XKR4: variants seen among roughly 807,000 people sequenced by gnomAD.
The protein encoded by XKR4 is XK related 4, also known as XK-related protein 4.
XKR4 carries 12 observed loss-of-function variants against 53.9 expected under a neutral mutation model. The observed-to-expected ratio is 0.22, with a 90% CI of 0.14 to 0.36. XKR4 has a LOEUF of 0.36. Ranked by LOEUF, XKR4 falls within the 10% of genes least tolerant of loss-of-function variation. The pLI is 1.00. For missense variants in XKR4, 799 were observed against 859.5 expected, an observed-to-expected ratio of 0.93 and a Z score of 0.88; for synonymous variants, 354 against 362.4, an observed-to-expected ratio of 0.98 and a Z score of 0.26.
At position 55,450,975 on chromosome 8, in the gene XKR4, G is replaced by C. The variant is rs1585579860; in HGVS notation, c.1007-72306G>C. ...GGAGACTAGGCTGGGCTCAGCAGTA[G>C]GGCAGCCCAGGACACATGCCTTCAG... On this transcript the variant is annotated intron_variant, in intron 2 of 2. Transcript: ENST00000327381. 4 of 523,146 alleles carry C rather than the reference G, an allele frequency of 7.6e-6. No homozygotes were observed. The East Asian group carries it at 2.0e-4, about 26-fold the overall frequency. The allele number at this position is 523,146 out of a possible 1,614,324, so 32.4% of individuals were successfully genotyped here. A position where few individuals can be genotyped will look rare whatever the true frequency, so the allele number is the denominator to read the frequency against.
intron 1 of XKR4, among the ~76,000 whole-genome samples, chr8:55,145,421 A>C (rs1563467725): frequency 1.9e-5 from 2 of 107,856 alleles, no homozygotes; most frequent in African/African-American, 3.0e-5. Flanking sequence ...AATACCTAAA[A>C]TTTTTTCTCA....
intron 1 of XKR4, among the ~76,000 whole-genome samples, chr8:55,284,191 G>T (rs1482190800): frequency 6.6e-6 from 1 of 152,114 alleles, no homozygotes; most frequent in Non-Finnish European, 1.5e-5. Flanking sequence ...TATTTCTTAT[G>T]TGAGAAAATA....
intron 2 of XKR4, among the ~76,000 whole-genome samples, chr8:55,393,600 T>C (rs1804475757): frequency 2.0e-5 from 3 of 152,216 alleles, no homozygotes; most frequent in Admixed American, 6.5e-5. Context: ...AGAAAATGTT[T>C]TGTTATATGA....
intron 2 of XKR4, among the ~76,000 whole-genome samples, chr8:55,514,695 A>G (rs1039301738): frequency 5.3e-5 from 8 of 152,168 alleles, no homozygotes; most frequent in Admixed American, 3.9e-4. Flanking sequence ...AAAATCATTC[A>G]GTGTCTTTTT....
intron 1 of XKR4, among the ~76,000 whole-genome samples, chr8:55,146,051 T>C (rs1816769718): frequency 6.6e-6 from 1 of 152,348 alleles, no homozygotes; most frequent in Admixed American, 6.5e-5. Flanking sequence ...ATGGGAATTA[T>C]GAAATGACAT....
chr8:55,128,036 C>A (rs1006400260), intron 1 of XKR4, among the ~76,000 whole-genome samples: 1 of 152,128 alleles, frequency 6.6e-6, no homozygotes, highest in Non-Finnish European at 1.5e-5. Flanking sequence ...TCTCGCAATA[C>A]ACATACGTGT....
At chr8:55,294,394 T>A (rs1218105176) in intron 1 of XKR4, among the ~76,000 whole-genome samples, 1 of 152,200 alleles carries the variant, frequency 6.6e-6, no homozygotes, top group African/African-American at 2.4e-5. Context: ...GGTATCCGTG[T>A]TCCTACCACC....
rs1027647771 is a variant in XKR4 at position 55,534,903 on chromosome 8, G to C, written c.*10676G>C. On this transcript the variant is annotated 3_prime_UTR_variant, in exon 3 of 3. Transcript: ENST00000327381. ...TGTAAAGTTTTCTGTCTAATCTTTT[G>C]GTATAACAATTTTAGGAGTTCACCC... The C allele has an allele frequency of 1.3e-5, 2 of 151,424 alleles. No homozygotes were observed. Among genetic ancestry groups the C allele is most frequent in the African/African-American group, 4.9e-5 (2 of 41,158 alleles). 9.4% of individuals were successfully genotyped at this position (151,424 alleles called of 1,614,324 possible).
At position 55,147,693 on chromosome 8, in the gene XKR4, A is replaced by G. The variant is rs555322874; in HGVS notation, c.806+44399A>G. ...GCATCGAGATTTGGGGAGAATTTCT[A>G]TGAATGGATGCATGTGATGGCAGGC... On this transcript the variant is annotated intron_variant, in intron 1 of 2. Coordinates refer to ENST00000327381, the MANE Select transcript of XKR4 (RefSeq NM_052898.2). Among the ~76,000 whole-genome samples, 58 of 152,298 alleles carry G rather than the reference A, an allele frequency of 3.8e-4. 1 individual carries two copies. The highest frequency in any genetic ancestry group is 1.2e-3 in the South Asian group (6 of 4,824).
chr8:55,482,405 G>A (rs950993902), intron 2 of XKR4, among the ~76,000 whole-genome samples: 4 of 152,052 alleles, frequency 2.6e-5, no homozygotes, highest in African/African-American at 4.8e-5. Context: ...ATGGGGTCGG[G>A]GCATGGGGGA....
intron 1 of XKR4, among the ~76,000 whole-genome samples, chr8:55,190,751 C>T (rs1426501354): frequency 6.6e-6 from 1 of 152,146 alleles, no homozygotes; most frequent in African/African-American, 2.4e-5. Context: ...CGTTCTGGAC[C>T]AGCAGCAAAA....
intron 2 of XKR4, among the ~76,000 whole-genome samples, chr8:55,492,581 T>G (rs1394521393): frequency 6.6e-6 from 1 of 152,250 alleles, no homozygotes; most frequent in African/African-American, 2.4e-5. Context: ...GATTGCCATG[T>G]CCATGATGCC....
intron 2 of XKR4, among the ~76,000 whole-genome samples, chr8:55,412,541 C>T (rs1290728810): frequency 1.3e-5 from 2 of 152,172 alleles, no homozygotes; most frequent in Non-Finnish European, 1.5e-5. Flanking sequence ...TTGCTTGATG[C>T]ACACTGCCCC....
At chr8:55,385,852 A>G (rs1804301732) in intron 2 of XKR4, among the ~76,000 whole-genome samples, 1 of 152,238 alleles carries the variant, frequency 6.6e-6, no homozygotes. Flanking sequence ...AACAAAAAGA[A>G]CACCAAACAA....
intron 1 of XKR4, among the ~76,000 whole-genome samples, chr8:55,353,590 C>T (rs1803756741): frequency 6.6e-6 from 1 of 152,226 alleles, no homozygotes; most frequent in Admixed American, 6.5e-5. Context: ...CAGTCTGTCA[C>T]ACTCTGTTAA....
At chr8:55,264,192 A>G (rs1201934397) in intron 1 of XKR4, among the ~76,000 whole-genome samples, 1 of 152,036 alleles carries the variant, frequency 6.6e-6, no homozygotes, top group Non-Finnish European at 1.5e-5. Context: ...ATGTCATCCC[A>G]GCTCCCTCCT....
chr8:55,245,575 T>C (rs1262677057), intron 1 of XKR4, among the ~76,000 whole-genome samples: 1 of 152,164 alleles, frequency 6.6e-6, no homozygotes, highest in African/African-American at 2.4e-5. Context: ...TCCCTGGTCT[T>C]GTTGCCTGTA....
chr8:55,499,555 G>T (rs1245239107), intron 2 of XKR4, among the ~76,000 whole-genome samples: 4 of 152,110 alleles, frequency 2.6e-5, no homozygotes, highest in African/African-American at 9.7e-5. Flanking sequence ...CAGAAGTGTG[G>T]TCTGTTAACA....
chr8:55,251,827 T>C (rs939251973), intron 1 of XKR4, among the ~76,000 whole-genome samples: 3 of 152,248 alleles, frequency 2.0e-5, no homozygotes, highest in Non-Finnish European at 4.4e-5. Context: ...TGAAACACTA[T>C]GCCAACATAA....
Sources: allele counts gnomAD v4.1 joint callset (sites outside exome capture counted in the v4.1 genomes callset), GRCh38; gene constraint gnomAD v4.1.1; transcripts MANE v1.5; gene names NCBI Gene and HGNC (gene_info 2026-07-23, HGNC 2026-07-21).